GPRC5B: variants seen among roughly 807,000 people sequenced by gnomAD.
GPRC5B encodes G protein-coupled receptor class C group 5 member B, also known as G protein-coupled receptor family C group 5 member B.
Under a neutral mutation model 30.1 loss-of-function variants are expected in GPRC5B, and 16 were observed. The observed-to-expected ratio is 0.53, with a 90% CI of 0.36 to 0.81. GPRC5B has a LOEUF of 0.81. Ranked by LOEUF, GPRC5B falls within the 30% of genes least tolerant of loss-of-function variation. The pLI is 0.01. For missense variants in GPRC5B, 428 were observed against 544.7 expected (o/e 0.79, Z 2.13); for synonymous variants, 241 against 239.5 (o/e 1.01, Z -0.06).
chr16:19,864,281 T>C (rs1315440445), intron 2 of GPRC5B, among the ~76,000 whole-genome samples: 1 of 152,228 alleles, frequency 6.6e-6, no homozygotes, highest in East Asian at 1.9e-4. Flanking sequence ...AAATAGGCCT[T>C]GGCCCTAATG....
intron 3 of GPRC5B, among the ~76,000 whole-genome samples, chr16:19,861,325 T>A (rs533965795): frequency 1.3e-5 from 2 of 152,314 alleles, no homozygotes; most frequent in South Asian, 4.1e-4. Context: ...GCTGAAGGTC[T>A]GTTTGGCATC....
chr16:19,882,273 AT>A (rs1430711375), intron 1 of GPRC5B: 1 of 152,236 alleles, frequency 6.6e-6, no homozygotes, highest in African/African-American at 2.4e-5. Flanking sequence ...AAGCTCTGTG[AT>A]CCATGAATAT....
At chr16:19,865,707 TGA>T (rs2056660916) in intron 2 of GPRC5B, among the ~76,000 whole-genome samples, 2 of 152,116 alleles carry the variant, frequency 1.3e-5, no homozygotes, top group African/African-American at 2.4e-5. Context: ...TGTTTATCGT[TGA>T]GAGTCAGAAG....
chr16:19,883,393 C>A (rs993495861), intron 1 of GPRC5B, among the ~76,000 whole-genome samples: 3 of 152,322 alleles, frequency 2.0e-5, no homozygotes, highest in Non-Finnish European at 2.9e-5. Flanking sequence ...ACCAAACTGG[C>A]CGGGAGGGCT....
At chr16:19,880,101 C>T (rs888529434) in intron 1 of GPRC5B, among the ~76,000 whole-genome samples, 1 of 151,524 alleles carries the variant, frequency 6.6e-6, no homozygotes, top group Non-Finnish European at 1.5e-5. Context: ...CCACTTCACT[C>T]CAGCCTAGGT....
chr16:19,858,154 A>G lies in GPRC5B; in HGVS notation c.*2346T>C, dbSNP rs1483708944. On this transcript the variant is annotated 3_prime_UTR_variant, in exon 4 of 4. Coordinates refer to ENST00000300571, the MANE Select transcript of GPRC5B (RefSeq NM_016235.3). ...AGCTGGCTGCTACAGTCTCTTGGCA[A>G]AGATGTCTCTTGATACTTTTCAGGT... 1 of 220,998 alleles carries G rather than the reference A, an allele frequency of 4.5e-6. No individual in the cohort carries two copies. Among genetic ancestry groups the G allele is most frequent in the African/African-American group, 2.3e-5 (1 of 44,220 alleles). The allele number at this position is 220,998 out of a possible 1,614,324, so 13.7% of individuals were successfully genotyped here. A position where few individuals can be genotyped will look rare whatever the true frequency, so the allele number is the denominator to read the frequency against.
At chr16:19,883,875 G>A (rs1198420800) in intron 1 of GPRC5B, among the ~76,000 whole-genome samples, 1 of 152,236 alleles carries the variant, frequency 6.6e-6, no homozygotes, top group East Asian at 1.9e-4. Flanking sequence ...TCAACCGGCT[G>A]CCCGGGGCCA....
In GPRC5B at chr16:19,861,693, A is replaced by G. The variant is rs2056623780; in HGVS notation, c.1167+144T>C. 9.3e-6 allele frequency: 6 copies of G among 647,552 alleles called. No homozygotes were observed. The South Asian group carries it at 1.2e-4, about 13-fold the overall frequency. The allele number at this position is 647,552 out of a possible 1,614,324, so 40.1% of individuals were successfully genotyped here. ...GGGTAGAAAGGGAAAGAAGAAAAAT[A>G]AAAGCATTGCATGCGTTTGAGCTGT... On this transcript the variant is annotated intron_variant, in intron 3 of 3. Transcript: ENST00000300571.
chr16:19,858,313 A>C lies in GPRC5B; in HGVS notation c.*2187T>G. On this transcript the variant is annotated 3_prime_UTR_variant, in exon 4 of 4. Coordinates refer to ENST00000300571, the MANE Select transcript of GPRC5B (RefSeq NM_016235.3). ...AAAACCCTAAGTGCGATAACATATC[A>C]GATTTAAAAGGGGGGAAAAAGGTCT... 2 of 443,626 alleles carry C rather than the reference A, an allele frequency of 4.5e-6. No individual in the cohort carries two copies. The highest frequency in any genetic ancestry group is 4.0e-5 in the African/African-American group (2 of 49,718). The allele number at this position is 443,626 out of a possible 1,614,324, so 27.5% of individuals were successfully genotyped here. A position where few individuals can be genotyped will look rare whatever the true frequency, so the allele number is the denominator to read the frequency against.
intron 2 of GPRC5B, among the ~76,000 whole-genome samples, chr16:19,870,657 A>G (rs868483608): frequency 2.6e-5 from 4 of 152,350 alleles, no homozygotes; most frequent in Non-Finnish European, 1.5e-5. Flanking sequence ...GGCCCCCTAC[A>G]TCCATCCAGC....
rs2056590398 is a variant in GPRC5B at position 19,858,383 on chromosome 16, T to C, written c.*2117A>G. 4.0e-6 allele frequency: 2 copies of C among 497,220 alleles called. No homozygotes were observed. Among genetic ancestry groups the C allele is most frequent in the African/African-American group, 2.0e-5 (1 of 50,940 alleles). The allele number at this position is 497,220 out of a possible 1,614,324, so 30.8% of individuals were successfully genotyped here. A position where few individuals can be genotyped will look rare whatever the true frequency, so the allele number is the denominator to read the frequency against. On this transcript the variant is annotated 3_prime_UTR_variant, in exon 4 of 4. Transcript: ENST00000300571. ...TGGCTCAAAGATGGCTCTGTTCTTA[T>C]GCTGGGGAAGCACGACTTTCCATGG...
intron 1 of GPRC5B, among the ~76,000 whole-genome samples, chr16:19,883,945 G>T (rs1008563900): frequency 6.6e-5 from 10 of 152,286 alleles, no homozygotes; most frequent in African/African-American, 2.2e-4. Context: ...GGGACCCCGG[G>T]ATGTGTGGGG....
intron 3 of GPRC5B, 92 bp from the exon 4 acceptor site, chr16:19,860,636 A>C: frequency 1.3e-6 from 1 of 794,486 alleles, no homozygotes; most frequent in African/African-American, 1.7e-5. Flanking sequence ...GGCAAAAATA[A>C]GTTACCTTGC....
intron 1 of GPRC5B, among the ~76,000 whole-genome samples, chr16:19,880,684 C>T (rs1235755542): frequency 2.0e-5 from 3 of 152,140 alleles, no homozygotes; most frequent in Non-Finnish European, 4.4e-5. Flanking sequence ...GGCCAGAGGA[C>T]CTTGGGGTGC....
chr16:19,879,582 G>A (rs868166626), intron 1 of GPRC5B, among the ~76,000 whole-genome samples: 2 of 152,094 alleles, frequency 1.3e-5, no homozygotes, highest in African/African-American at 4.8e-5. Context: ...TGTGTGAGAA[G>A]GAAAACAAGG....
In GPRC5B at chr16:19,860,421, C is replaced by G. The variant is rs981058561; in HGVS notation, c.*79G>C. The G allele has an allele frequency of 3.3e-6, 3 of 908,610 alleles. No homozygotes were observed. The highest frequency in any genetic ancestry group is 5.4e-6 in the Non-Finnish European group (3 of 552,924). The allele number at this position is 908,610 out of a possible 1,614,324, so 56.3% of individuals were successfully genotyped here. A position where few individuals can be genotyped will look rare whatever the true frequency, so the allele number is the denominator to read the frequency against. The stretch of plus-strand genomic sequence containing the variant: ...GGCGGCCTGGTTCGGCAACTGTTAC[C>G]GATTTCTCCCTCAAGAAAGACACAG... On this transcript the variant is annotated 3_prime_UTR_variant, in exon 4 of 4. Coordinates refer to ENST00000300571, the MANE Select transcript of GPRC5B (RefSeq NM_016235.3).
At chr16:19,874,033 T>C (rs2056743132) in intron 1 of GPRC5B, among the ~76,000 whole-genome samples, 1 of 152,156 alleles carries the variant, frequency 6.6e-6, no homozygotes, top group African/African-American at 2.4e-5. Flanking sequence ...TCCACCCGCC[T>C]CGGCCTCCCA....
In GPRC5B at chr16:19,858,639, C is replaced by A. The variant is rs2056594191; in HGVS notation, c.*1861G>T. The stretch of plus-strand genomic sequence containing the variant: ...CTTTTCAGAATACCGGGTCCGCATG[C>A]AACCGCCCCCACCCCCACCCCAGGT... On this transcript the variant is annotated 3_prime_UTR_variant, in exon 4 of 4. Transcript: ENST00000300571. 5.4e-6 allele frequency: 3 copies of A among 551,110 alleles called. No individual in the cohort carries two copies. The South Asian group carries it at 7.4e-5, about 14-fold the overall frequency. 34.1% of individuals were successfully genotyped at this position (551,110 alleles called of 1,614,324 possible). A position where few individuals can be genotyped will look rare whatever the true frequency, so the allele number is the denominator to read the frequency against.
intron 2 of GPRC5B, among the ~76,000 whole-genome samples, chr16:19,870,257 A>G (rs181169922): frequency 3.9e-5 from 6 of 152,260 alleles, no homozygotes; most frequent in Admixed American, 3.9e-4. Flanking sequence ...TGCTTGTTTT[A>G]TCTTCTCTGC....
Sources: allele counts gnomAD v4.1 joint callset (sites outside exome capture counted in the v4.1 genomes callset), GRCh38; gene constraint gnomAD v4.1.1; transcripts MANE v1.5; gene names NCBI Gene and HGNC (gene_info 2026-07-23, HGNC 2026-07-21).